Variants in FNDC3A observed in about 807,000 individuals in gnomAD.
FNDC3A encodes the protein fibronectin type III domain containing 3A.
In FNDC3A, 32 loss-of-function variants were observed where a neutral mutation model predicts 148.9. That is an observed-to-expected ratio of 0.21 (90% CI 0.16 to 0.29). FNDC3A has a LOEUF of 0.29. FNDC3A is among the 10% of genes least tolerant of loss of function. FNDC3A has a pLI of 1.00. For synonymous variants in FNDC3A, 472 were observed against 473.6 expected (o/e 1.00, Z 0.04); for missense variants, 1,191 against 1,452.8 (o/e 0.82, Z 2.93).
intron 1 of FNDC3A, among the ~76,000 whole-genome samples, chr13:49,002,293 G>C (rs1952140900): frequency 6.6e-6 from 1 of 151,912 alleles, no homozygotes; most frequent in African/African-American, 2.4e-5. Flanking sequence ...CTTTCCTGTA[G>C]GTTTTTCATA....
intron 1 of FNDC3A, among the ~76,000 whole-genome samples, chr13:48,996,323 G>A (rs1196548224): frequency 6.6e-6 from 1 of 152,126 alleles, no homozygotes; most frequent in Non-Finnish European, 1.5e-5. Flanking sequence ...AGAGTTAAAT[G>A]ACTAAAACTC....
intron 5 of FNDC3A, among the ~76,000 whole-genome samples, chr13:49,134,929 ACCTCTGC>A (rs1168845016): frequency 7.5e-6 from 1 of 132,800 alleles, no homozygotes; most frequent in Non-Finnish European, 1.5e-5. Context: ...GCTCACTGCA[ACCTCTGC>A]CCTCTGCCTC....
At chr13:49,014,597 G>A (rs1165207128) in intron 2 of FNDC3A, among the ~76,000 whole-genome samples, 15 of 151,386 alleles carry the variant, frequency 9.9e-5, no homozygotes, top group Non-Finnish European at 1.6e-4. Context: ...AAGCTCTTTA[G>A]TTTCATTAGA....
In FNDC3A at chr13:49,168,728, A is replaced by C. The variant is rs1170017800; in HGVS notation, c.1153A>C (p.Asn385His). The C allele has an allele frequency of 1.2e-6, 2 of 1,613,522 alleles. No homozygotes were observed. Among genetic ancestry groups the C allele is most frequent in the Admixed American group, 3.3e-5 (2 of 59,998 alleles). Residue 385 changes from asparagine to histidine, a missense_variant, in exon 10 of 26, where the codon AAT becomes CAT. Physicochemically the swap from Asn to His is moderately conservative, Grantham distance 68. Around this residue, in one of 3 missense-constraint regions of FNDC3A, gnomAD observed 426 missense variants for 473.2 expected, o/e 0.90. Coordinates refer to ENST00000492622, the MANE Select transcript of FNDC3A (RefSeq NM_001079673.2). ...NPPRIANRTK[N>H]SLTLQWKAPS... The stretch of plus-strand genomic sequence containing the variant: ...ACCAAGGATAGCCAATCGGACCAAA[A>C]ATTCACTCACTTTGCAATGGAAGGT...
At chr13:49,121,974 ACGGACTCCTCC>A (rs1393411457) in intron 4 of FNDC3A, among the ~76,000 whole-genome samples, 1 of 152,168 alleles carries the variant, frequency 6.6e-6, no homozygotes, top group East Asian at 1.9e-4. Context: ...ACAGAAAAAG[ACGGACTCCTCC>A]CTAACTCATT....
chr13:49,045,648 A>G (rs567581821), intron 2 of FNDC3A: 2 of 874,972 alleles, frequency 2.3e-6, no homozygotes, highest in Non-Finnish European at 1.7e-6. Flanking sequence ...CTTCTACAAT[A>G]CATTTTTTCC....
chr13:49,069,744 A>G (rs1215683456), intron 2 of FNDC3A, among the ~76,000 whole-genome samples: 2 of 152,196 alleles, frequency 1.3e-5, no homozygotes, highest in African/African-American at 4.8e-5. Flanking sequence ...GTCAATATCA[A>G]AGAAGTGTTT....
chr13:49,091,895 A>G (rs550158689), intron 3 of FNDC3A, among the ~76,000 whole-genome samples: 2 of 152,360 alleles, frequency 1.3e-5, no homozygotes, highest in Admixed American at 1.3e-4. Flanking sequence ...TGGGTCAGAA[A>G]GCACCCAGTT....
At chr13:49,103,367 A>G (rs535454857) in intron 3 of FNDC3A, among the ~76,000 whole-genome samples, 1 of 152,370 alleles carries the variant, frequency 6.6e-6, no homozygotes, top group South Asian at 2.1e-4. Flanking sequence ...TTCACACAGT[A>G]TTGACAAGGA....
In FNDC3A at chr13:48,976,000, A is replaced by G. The variant is rs1476557861; in HGVS notation, c.-217A>G. Reference sequence around the variant, plus strand: ...CGGGAGCTACGCGGAGAGGGAGCGAAGAGCGGGGCTGAGGCGGCGGCGTCA... The same window carrying G: ...CGGGAGCTACGCGGAGAGGGAGCGAGGAGCGGGGCTGAGGCGGCGGCGTCA... On this transcript the variant is annotated 5_prime_UTR_variant, in exon 1 of 26. Coordinates refer to ENST00000492622, the MANE Select transcript of FNDC3A (RefSeq NM_001079673.2). The G allele has an allele frequency of 6.5e-6, 1 of 152,970 alleles. No individual in the cohort carries two copies. Among genetic ancestry groups the G allele is most frequent in the African/African-American group, 2.4e-5 (1 of 41,458 alleles). 9.5% of individuals were successfully genotyped at this position (152,970 alleles called of 1,614,324 possible).
At chr13:49,173,492 A>G (rs1884869530) in intron 11 of FNDC3A, among the ~76,000 whole-genome samples, 2 of 152,226 alleles carry the variant, frequency 1.3e-5, no homozygotes, top group Non-Finnish European at 2.9e-5. Context: ...CCATCACTAA[A>G]CAAAGGCATT....
intron 4 of FNDC3A, among the ~76,000 whole-genome samples, chr13:49,121,576 A>G (rs1180780323): frequency 6.6e-6 from 1 of 152,196 alleles, no homozygotes; most frequent in Non-Finnish European, 1.5e-5. Flanking sequence ...TTTTGAAAAG[A>G]TGAACAAAAT....
rs1335354110 is a variant in FNDC3A at position 49,197,767 on chromosome 13, G to A, written c.2383G>A (p.Glu795Lys). Residue 795 changes from glutamate to lysine, a missense_variant, in exon 21 of 26, where the codon GAG (glutamate) becomes AAG (lysine). By Grantham distance (56) the Glu-to-Lys change is moderately conservative (BLOSUM62 1). Transcript: ENST00000492622. ...AACAGATGTCACTGAATATCGACTG[G>A]AGTGGGGAGGAGTTGAAGGAAGTAT... is the stretch of plus-strand genomic sequence containing the variant. Reference protein sequence around the residue: ...NGTDVTEYRLEWGGVEGSMQI... With the variant: ...NGTDVTEYRLKWGGVEGSMQI... 4 of 1,610,824 alleles carry A rather than the reference G, an allele frequency of 2.5e-6. No individual in the cohort carries two copies. Among genetic ancestry groups the A allele is most frequent in the Admixed American group, 3.4e-5 (2 of 58,876 alleles).
Position 49,209,245 on chromosome 13 carries a change from G to GT in FNDC3A, c.*1851dup, listed in dbSNP as rs1886789474. 6.6e-6 allele frequency: 1 copy of GT among 152,606 alleles called. No individual in the cohort carries two copies. Among genetic ancestry groups the GT allele is most frequent in the Admixed American group, 6.5e-5 (1 of 15,270 alleles). 9.5% of individuals were successfully genotyped at this position (152,606 alleles called of 1,614,324 possible). A position where few individuals can be genotyped will look rare whatever the true frequency, so the allele number is the denominator to read the frequency against. On this transcript the variant is annotated 3_prime_UTR_variant, in exon 26 of 26. Transcript: ENST00000492622. Reference sequence around the variant, plus strand: ...GTCTAAAATGGTAAAATGTGCCACTGTGTCAAGTTACAGTGGCTTATGTTT... The same window carrying GT: ...GTCTAAAATGGTAAAATGTGCCACTGTTGTCAAGTTACAGTGGCTTATGTTT...
intron 7 of FNDC3A, among the ~76,000 whole-genome samples, chr13:49,143,289 C>A (rs767122130): frequency 1.3e-5 from 2 of 151,944 alleles, no homozygotes; most frequent in Admixed American, 1.3e-4. Context: ...TTTAGGAGGC[C>A]GGGGCAGGAG....
At chr13:49,078,316 G>A (rs1211167509) in intron 3 of FNDC3A, among the ~76,000 whole-genome samples, 4 of 152,080 alleles carry the variant, frequency 2.6e-5, no homozygotes, top group Admixed American at 2.0e-4. Context: ...GACCAAAAAA[G>A]CCTATCTAAT....
At chr13:49,207,021 T>C in intron 25 of FNDC3A, 60 bp from the exon 26 acceptor site, 17 of 1,261,442 alleles carry the variant, frequency 1.3e-5, no homozygotes, top group Non-Finnish European at 1.8e-5. Context: ...CTAGCCAGTT[T>C]TAACACATTT....
chr13:49,150,938 C>A (rs1002905503), intron 8 of FNDC3A, among the ~76,000 whole-genome samples: 4 of 109,168 alleles, frequency 3.7e-5, no homozygotes, highest in African/African-American at 1.4e-4. Context: ...AGCAAGACTC[C>A]GTCTCAAAAA....
chr13:49,073,765 T>C (rs1387499532), intron 2 of FNDC3A, among the ~76,000 whole-genome samples: 1 of 146,400 alleles, frequency 6.8e-6, no homozygotes, highest in South Asian at 2.1e-4. Flanking sequence ...ATAATATATA[T>C]GTATATAATA....
Sources: gnomAD v4.1 joint callset for allele counts (sites outside exome capture counted in the v4.1 genomes callset) on GRCh38, gnomAD v4.1.1 for gene constraint, gnomAD v4.1.1 regional missense constraint, MANE v1.5 for transcripts, NCBI Gene and HGNC (gene_info 2026-07-23, HGNC 2026-07-21) for gene names.